Variants in TENM1 observed in about 807,000 individuals in gnomAD.
The protein encoded by TENM1 is teneurin-1.
TENM1 carries 35 observed loss-of-function variants against 174.8 expected under a neutral mutation model. That is an observed-to-expected ratio of 0.20 (90% CI 0.15 to 0.27). The LOEUF is 0.27. TENM1 is among the 10% of genes least tolerant of loss of function. TENM1 has a pLI of 1.00. For synonymous variants in TENM1, 781 were observed against 798.7 expected (o/e 0.98, Z 0.37); for missense variants, 1,633 against 2,130.1 (o/e 0.77, Z 4.59).
chrX:124,384,973 AC>A, intron 29 of TENM1, 119 bp from the exon 33 acceptor site: 9 of 611,960 alleles, frequency 1.5e-5, no homozygotes, highest in Non-Finnish European at 1.9e-5. Flanking sequence ...AATATTAGAG[AC>A]TGATCTCTGA....
chrX:124,658,738 C>G (rs1266336407), intron 6 of TENM1, among the ~76,000 whole-genome samples: 1 of 111,678 alleles, frequency 9.0e-6, no homozygotes, highest in Non-Finnish European at 1.9e-5. Context: ...ACAATTATGT[C>G]CAAACACCAA....
intron 1 of TENM1, among the ~76,000 whole-genome samples, chrX:124,918,249 G>T (rs2057960163): frequency 9.2e-6 from 1 of 108,690 alleles, no homozygotes; most frequent in African/African-American, 3.4e-5. Flanking sequence ...GCATGATCTC[G>T]ACTCATTGCA....
At chrX:124,472,637 GT>G (rs748907192) in intron 22 of TENM1, among the ~76,000 whole-genome samples, 19 of 111,135 alleles carry the variant, frequency 1.7e-4, no homozygotes, top group Admixed American at 5.8e-4. Flanking sequence ...TTTGCTGCAT[GT>G]TGTTTGAATT....
At chrX:124,578,547 A>G (rs1165162830) in intron 11 of TENM1, among the ~76,000 whole-genome samples, 5 of 111,860 alleles carry the variant, frequency 4.5e-5, no homozygotes, top group African/African-American at 1.3e-4. Context: ...GGTACAAGGA[A>G]CAAATGAGTC....
intron 3 of TENM1, among the ~76,000 whole-genome samples, chrX:124,813,220 T>G (rs2055822776): frequency 9.0e-6 from 1 of 111,431 alleles, no homozygotes; most frequent in African/African-American, 3.3e-5. Flanking sequence ...CATAATAAAA[T>G]AAATGCAAAA....
At chrX:124,645,930 C>T (rs1223326155) in intron 9 of TENM1, among the ~76,000 whole-genome samples, 1 of 111,189 alleles carries the variant, frequency 9.0e-6, no homozygotes, top group Non-Finnish European at 1.9e-5. Context: ...CCACACTCAA[C>T]CCCCACCTCC....
At chrX:124,827,733 G>A (rs186927821) in intron 3 of TENM1, among the ~76,000 whole-genome samples, 1 of 111,742 alleles carries the variant, frequency 8.9e-6, no homozygotes, top group African/African-American at 3.2e-5. Context: ...GATAAGCAGC[G>A]TGTACCCTTA....
chrX:124,693,539 C>T (rs2052578927), intron 5 of TENM1, among the ~76,000 whole-genome samples: 1 of 111,295 alleles, frequency 9.0e-6, no homozygotes, highest in African/African-American at 3.3e-5. Context: ...TTTCTCCCTT[C>T]GTCATCAGTC....
intron 20 of TENM1, among the ~76,000 whole-genome samples, chrX:124,492,548 G>T (rs1209413133): frequency 9.1e-6 from 1 of 110,005 alleles, no homozygotes; most frequent in African/African-American, 3.3e-5. Context: ...TAGCTTCTGA[G>T]TAAACATGAC....
At chrX:124,559,830 A>T (rs2048773107) in intron 14 of TENM1, among the ~76,000 whole-genome samples, 1 of 111,802 alleles carries the variant, frequency 8.9e-6, no homozygotes, top group African/African-American at 3.2e-5. Context: ...CATGCTTAAC[A>T]TGCAACAAGA....
chrX:124,945,786 T>C (rs1263777348), intron 1 of TENM1, among the ~76,000 whole-genome samples: 1 of 110,836 alleles, frequency 9.0e-6, no homozygotes, highest in Non-Finnish European at 1.9e-5. Context: ...AGGGATTGTG[T>C]GTAGGAAGTA....
At chrX:124,748,534 AG>A (rs929129369) in intron 3 of TENM1, among the ~76,000 whole-genome samples, 6 of 111,418 alleles carry the variant, frequency 5.4e-5, no homozygotes, top group African/African-American at 2.0e-4. Flanking sequence ...CTAAACGTTT[AG>A]GGAACACCTT....
chrX:124,932,028 C>T (rs2058180510), intron 1 of TENM1, among the ~76,000 whole-genome samples: 1 of 111,839 alleles, frequency 8.9e-6, no homozygotes, highest in African/African-American at 3.3e-5. Flanking sequence ...GTCATTGATG[C>T]TTGCAAAAGT....
intron 15 of TENM1, among the ~76,000 whole-genome samples, chrX:124,542,876 C>T (rs901018066): frequency 8.9e-6 from 1 of 112,051 alleles, no homozygotes. Flanking sequence ...ATTTCTAGAT[C>T]ATGTTCAGTC....
Position 124,695,498 on chromosome X carries a change from G to A in TENM1, c.1015+9515C>T, listed in dbSNP as rs184173409. Among the ~76,000 whole-genome samples the A allele has an allele frequency of 2.0e-4, 22 of 110,996 alleles. No individual in the cohort carries two copies. The East Asian group carries it at 2.8e-3, about 14-fold the overall frequency. On this transcript the variant is annotated intron_variant, in intron 5 of 31. Transcript: ENST00000422452. ...TAATGAAACAGAACAGAACTGAACTGACAGATTGAAATAGTAACTGAGCCC... is the reference window on the plus strand; with the variant it reads ...TAATGAAACAGAACAGAACTGAACTAACAGATTGAAATAGTAACTGAGCCC...
At chrX:124,799,006 G>A (rs1036493673) in intron 3 of TENM1, among the ~76,000 whole-genome samples, 20 of 110,963 alleles carry the variant, frequency 1.8e-4, no homozygotes, top group African/African-American at 6.6e-4. Context: ...TTGCATATAT[G>A]TGGTCTTATT....
At chrX:124,446,356 A>G (rs1045593350) in intron 23 of TENM1, among the ~76,000 whole-genome samples, 6 of 112,518 alleles carry the variant, frequency 5.3e-5, no homozygotes, top group Non-Finnish European at 1.1e-4. Context: ...TCTACCTCTC[A>G]AGGGTGGTTG....
At chrX:125,160,631 G>A in the TENM1 span, among the ~76,000 whole-genome samples, 2 of 105,324 alleles carry the variant, frequency 1.9e-5, no homozygotes, top group African/African-American at 3.5e-5. Context: ...GCTCATGGAC[G>A]CCACACAACA....
At chrX:125,116,370 A>T in the TENM1 span, among the ~76,000 whole-genome samples, 1 of 112,028 alleles carries the variant, frequency 8.9e-6, no homozygotes, top group African/African-American at 3.2e-5. Context: ...TGGCAACAAA[A>T]CCCAAAATTG....
Sources: allele counts gnomAD v4.1 joint callset (sites outside exome capture counted in the v4.1 genomes callset), GRCh38; gene constraint gnomAD v4.1.1; transcripts MANE v1.5; gene names NCBI Gene and HGNC (gene_info 2026-07-23, HGNC 2026-07-21).